The following GRIK1 variants were observed in gnomAD, a reference collection of about 807,000 sequenced individuals.
GRIK1 encodes the protein glutamate ionotropic receptor kainate type subunit 1.
GRIK1 carries 69 observed loss-of-function variants against 105.7 expected under a neutral mutation model. The ratio of observed to expected loss-of-function variants is 0.65; its 90% CI spans 0.54 to 0.80. The LOEUF (loss-of-function observed/expected upper bound fraction) is 0.80. GRIK1 is among the 30% of genes least tolerant of loss of function. The pLI is 0.00. For missense variants in GRIK1, 1,109 were observed against 1,167.3 expected, an observed-to-expected ratio of 0.95 and a Z score of 0.73; for synonymous variants, 438 against 431.3, an observed-to-expected ratio of 1.02 and a Z score of -0.19.
rs570113226 is a variant in GRIK1 at position 29,742,413 on chromosome 21, C to T, written c.119-48350G>A. On this transcript the variant is annotated intron_variant, in intron 1 of 17. Transcript: ENST00000327783. Reference sequence around the variant, plus strand: ...TGAGCAGATCCTTCAAGTACAACATCCATTTCCTGGACCCAGAACAACACT... The same window carrying T: ...TGAGCAGATCCTTCAAGTACAACATTCATTTCCTGGACCCAGAACAACACT... 6.6e-5 allele frequency among the ~76,000 whole-genome samples: 10 copies of T among 152,308 alleles called. No homozygotes were observed. In the South Asian group the frequency reaches 2.1e-3, roughly 32 times the overall value.
At chr21:29,936,075 G>T (rs935554815) in intron 1 of GRIK1, among the ~76,000 whole-genome samples, 2 of 152,102 alleles carry the variant, frequency 1.3e-5, no homozygotes, top group South Asian at 2.1e-4. Flanking sequence ...AACAGCAATG[G>T]CCTGGTAAGA....
intron 1 of GRIK1, among the ~76,000 whole-genome samples, chr21:29,935,352 C>G (rs1022426278): frequency 4.6e-5 from 7 of 152,174 alleles, no homozygotes; most frequent in African/African-American, 1.7e-4. Context: ...CCATTTTATT[C>G]ACTGTTGTAC....
At chr21:29,828,747 G>C (rs968104447) in intron 1 of GRIK1, among the ~76,000 whole-genome samples, 2 of 152,082 alleles carry the variant, frequency 1.3e-5, no homozygotes, top group Middle Eastern at 3.2e-3. Flanking sequence ...CAATCCTCTT[G>C]CTTGGCCTTC....
At chr21:29,586,754 T>C (rs2091138614) in intron 12 of GRIK1, among the ~76,000 whole-genome samples, 3 of 152,208 alleles carry the variant, frequency 2.0e-5, no homozygotes, top group African/African-American at 7.2e-5. Flanking sequence ...AAGTAAAACC[T>C]CAATTGAATC....
chr21:29,672,873 G>A (rs1214533681), intron 4 of GRIK1, 110 bp downstream of exon 4: 7 of 750,580 alleles, frequency 9.3e-6, no homozygotes, highest in Admixed American at 2.4e-5. Flanking sequence ...TAGCATAAAC[G>A]GGACTGCTGC....
At chr21:29,710,726 ATATTT>A (rs2064024905) in intron 1 of GRIK1, among the ~76,000 whole-genome samples, 1 of 151,716 alleles carries the variant, frequency 6.6e-6, no homozygotes, top group Non-Finnish European at 1.5e-5. Flanking sequence ...CATTATTGTT[ATATTT>A]TTCTTATTTC....
intron 5 of GRIK1, among the ~76,000 whole-genome samples, chr21:29,653,920 A>G (rs908755761): frequency 1.3e-5 from 2 of 152,194 alleles, no homozygotes; most frequent in African/African-American, 2.4e-5. Context: ...ACTCTCAAAG[A>G]CATTTGAGTC....
At chr21:29,763,107 T>A (rs2065569472) in intron 1 of GRIK1, among the ~76,000 whole-genome samples, 1 of 152,172 alleles carries the variant, frequency 6.6e-6, no homozygotes, top group Non-Finnish European at 1.5e-5. Context: ...TGAATTGTAA[T>A]CTCCATGTGT....
intron 14 of GRIK1, among the ~76,000 whole-genome samples, chr21:29,565,608 A>G (rs2090594910): frequency 6.6e-6 from 1 of 151,916 alleles, no homozygotes; most frequent in African/African-American, 2.4e-5. Context: ...AATTTTTTGT[A>G]TTTTTAGTAA....
At chr21:29,736,391 G>C (rs1002149687) in intron 1 of GRIK1, among the ~76,000 whole-genome samples, 6 of 151,882 alleles carry the variant, frequency 4.0e-5, no homozygotes, top group African/African-American at 1.2e-4. Flanking sequence ...CTACCACCTG[G>C]CTAACTTTTT....
intron 6 of GRIK1, among the ~76,000 whole-genome samples, chr21:29,646,346 G>A (rs2062618599): frequency 6.6e-6 from 1 of 152,172 alleles, no homozygotes; most frequent in Non-Finnish European, 1.5e-5. Flanking sequence ...TGAGGATTAA[G>A]TGCTGTTCAT....
At chr21:29,642,770 G>A in intron 7 of GRIK1, 56 bp downstream of exon 7, 1 of 1,535,982 alleles carries the variant, frequency 6.5e-7, no homozygotes, top group Non-Finnish European at 9.0e-7. Flanking sequence ...CATACCAAAT[G>A]GGCAAGCCCA....
chr21:29,732,704 T>C (rs2064667485), intron 1 of GRIK1, among the ~76,000 whole-genome samples: 1 of 152,198 alleles, frequency 6.6e-6, no homozygotes, highest in Non-Finnish European at 1.5e-5. Context: ...CTTCTATCCA[T>C]TGGAGATGTA....
At chr21:29,888,161 T>TC (rs1555905460) in intron 1 of GRIK1, among the ~76,000 whole-genome samples, 71 of 7,288 alleles carry the variant, frequency 9.7e-3, no homozygotes, top group Middle Eastern at 0.1. Context: ...CTCCTTTCTT[T>TC]TTTCTTTCTT....
At chr21:29,708,804 T>A (rs537756200) in intron 1 of GRIK1, among the ~76,000 whole-genome samples, 1 of 152,354 alleles carries the variant, frequency 6.6e-6, no homozygotes, top group South Asian at 2.1e-4. Flanking sequence ...TAAAATTTTT[T>A]AATTTTTATT....
At chr21:29,781,664 T>TC (rs1253457452) in intron 1 of GRIK1, among the ~76,000 whole-genome samples, 22 of 119,230 alleles carry the variant, frequency 1.8e-4, no homozygotes, top group African/African-American at 5.9e-4. Context: ...TTTCTTTTTT[T>TC]TTTTTTTTTT....
intron 7 of GRIK1, among the ~76,000 whole-genome samples, chr21:29,599,428 G>T (rs920982588): frequency 6.6e-6 from 1 of 152,186 alleles, no homozygotes; most frequent in Non-Finnish European, 1.5e-5. Flanking sequence ...ATAATTTCCC[G>T]TGGCTGCTGT....
At chr21:29,546,739 C>G (rs1015972292) in intron 16 of GRIK1, among the ~76,000 whole-genome samples, 2 of 152,206 alleles carry the variant, frequency 1.3e-5, no homozygotes, top group African/African-American at 4.8e-5. Flanking sequence ...CTTACATATT[C>G]AATGAAACAT....
At chr21:29,726,751 A>G (rs2064474535) in intron 1 of GRIK1, among the ~76,000 whole-genome samples, 1 of 151,782 alleles carries the variant, frequency 6.6e-6, no homozygotes, top group Non-Finnish European at 1.5e-5. Context: ...AAACATTTAA[A>G]TTATTGTTTA....
Sources: gnomAD v4.1 joint callset for allele counts (sites outside exome capture counted in the v4.1 genomes callset) on GRCh38, gnomAD v4.1.1 for gene constraint, MANE v1.5 for transcripts, NCBI Gene and HGNC (gene_info 2026-07-23, HGNC 2026-07-21) for gene names.